ABI2: variants seen among roughly 807,000 people sequenced by gnomAD.
ABI2 encodes the protein abl interactor 2, also known as abelson interactor 2.
Under a neutral mutation model 59.2 loss-of-function variants are expected in ABI2, and 25 were observed. That is an observed-to-expected ratio of 0.42 (90% CI 0.31 to 0.59). The LOEUF (loss-of-function observed/expected upper bound fraction) is 0.59, where lower values mean the gene tolerates loss of function less well. Ranked by LOEUF, ABI2 falls within the 20% of genes least tolerant of loss-of-function variation. The probability of loss-of-function intolerance (pLI) is 0.14; values close to 1 mark genes in which losing one functional copy is unlikely to be tolerated. For missense variants in ABI2, 545 were observed against 681.8 expected, an observed-to-expected ratio of 0.80 and a Z score of 2.23; for synonymous variants, 213 against 235.5, an observed-to-expected ratio of 0.90 and a Z score of 0.87.
intron 1 of ABI2, among the ~76,000 whole-genome samples, chr2:203,336,397 C>T (rs1402325283): frequency 2.0e-5 from 3 of 152,220 alleles, no homozygotes; most frequent in African/African-American, 7.2e-5. Flanking sequence ...TGCATCTGAT[C>T]TGAATCTTGG....
At chr2:203,382,947 G>T (rs964646098) in intron 4 of ABI2, among the ~76,000 whole-genome samples, 1 of 152,136 alleles carries the variant, frequency 6.6e-6, no homozygotes, top group South Asian at 2.1e-4. Context: ...GTTAGAATTC[G>T]TTTCAATAAT....
chr2:203,422,150 T>TA (rs2098245262), intron 11 of ABI2, among the ~76,000 whole-genome samples: 1 of 151,712 alleles, frequency 6.6e-6, no homozygotes, highest in Admixed American at 6.6e-5. Context: ...TTAGAAAACT[T>TA]AGCCAGACAT....
At chr2:203,394,611 C>T in intron 5 of ABI2, 89 bp from the exon 6 acceptor site, 1 of 1,323,534 alleles carries the variant, frequency 7.6e-7, no homozygotes, top group African/African-American at 1.5e-5. Flanking sequence ...TCTCTGATTA[C>T]AAATTGTATC....
intron 1 of ABI2, chr2:203,351,635 A>C (rs760136728): frequency 2.4e-6 from 1 of 424,094 alleles, no homozygotes; most frequent in Non-Finnish European, 4.6e-6. Context: ...TCCTGTGCTC[A>C]AGTGATCATC....
chr2:203,334,026 C>T (rs2075289573), intron 1 of ABI2, among the ~76,000 whole-genome samples: 1 of 151,608 alleles, frequency 6.6e-6, no homozygotes, highest in Non-Finnish European at 1.5e-5. Context: ...CTACAACCTC[C>T]GGCTCCTGGG....
intron 1 of ABI2, among the ~76,000 whole-genome samples, chr2:203,341,661 G>C (rs961930873): frequency 3.3e-5 from 5 of 152,052 alleles, no homozygotes; most frequent in Non-Finnish European, 5.9e-5. Context: ...AGTGAGCCTA[G>C]ATTGCACCAC....
chr2:203,388,407 G>T (rs910575063), intron 4 of ABI2, among the ~76,000 whole-genome samples: 1 of 152,162 alleles, frequency 6.6e-6, no homozygotes, highest in Non-Finnish European at 1.5e-5. Flanking sequence ...TGTTGGCCAG[G>T]CATGGTGGCT....
At chr2:203,418,001 A>G (rs1020802975) in intron 11 of ABI2, among the ~76,000 whole-genome samples, 3 of 152,238 alleles carry the variant, frequency 2.0e-5, no homozygotes, top group African/African-American at 7.2e-5. Flanking sequence ...ATATTTCTGG[A>G]GACGAAAAAC....
intron 1 of ABI2, among the ~76,000 whole-genome samples, chr2:203,362,740 C>T (rs1473088017): frequency 1.3e-5 from 2 of 151,736 alleles, no homozygotes; most frequent in East Asian, 1.9e-4. Flanking sequence ...TCGGGCAGGC[C>T]GGTCTTGAAC....
intron 4 of ABI2, among the ~76,000 whole-genome samples, chr2:203,387,848 C>G (rs1238759880): frequency 1.3e-5 from 2 of 152,188 alleles, no homozygotes; most frequent in Non-Finnish European, 1.5e-5. Context: ...TTCTGTCTCT[C>G]TCTCTGTCGC....
chr2:203,377,619 A>C (rs561313073), intron 2 of ABI2, among the ~76,000 whole-genome samples: 20 of 152,206 alleles, frequency 1.3e-4, no homozygotes, highest in Non-Finnish European at 2.6e-4. Context: ...ACTAAACTTT[A>C]TTCAAGGCCA....
chr2:203,396,814 C>T lies in ABI2; in HGVS notation c.880C>T (p.Leu294Phe). Residue 294 changes from leucine to phenylalanine, a missense_variant, in exon 8 of 12, where the codon CTT (leucine) becomes TTT (phenylalanine). Leu to Phe is a conservative substitution (Grantham distance 22). This residue lies in a region of ABI2 where 410 missense variants were observed against 435.6 expected (regional missense o/e 0.94). Transcript: ENST00000261018. The stretch of plus-strand genomic sequence containing the variant: ...TGCTGGCTCTGCTGGCACTCCTCCC[C>T]TTCCTGCTACTTCTGCATCTGCCCC... ...APAGSAGTPP[L>F]PATSASAPAP... The T allele has an allele frequency of 6.5e-7, 1 of 1,533,758 alleles. No homozygotes were observed. Among genetic ancestry groups the T allele is most frequent in the South Asian group, 1.2e-5 (1 of 83,554 alleles).
At chr2:203,344,584 C>T (rs1358513881) in intron 1 of ABI2, among the ~76,000 whole-genome samples, 13 of 147,854 alleles carry the variant, frequency 8.8e-5, no homozygotes, top group African/African-American at 2.8e-4. Flanking sequence ...TTTTTTGAGT[C>T]GGAGGTTTGC....
intron 1 of ABI2, among the ~76,000 whole-genome samples, chr2:203,354,290 C>T (rs779675422): frequency 1.3e-5 from 2 of 152,110 alleles, no homozygotes; most frequent in Non-Finnish European, 1.5e-5. Context: ...GTGATCTTCT[C>T]GCCTCAGCCT....
intron 1 of ABI2, among the ~76,000 whole-genome samples, chr2:203,337,009 A>G (rs1426986690): frequency 3.7e-4 from 56 of 152,182 alleles, no homozygotes; most frequent in Admixed American, 6.5e-5. Flanking sequence ...CAAAGGCCAT[A>G]TATGACAAGC....
chr2:203,355,745 C>T (rs888989366), intron 1 of ABI2, among the ~76,000 whole-genome samples: 3 of 148,178 alleles, frequency 2.0e-5, no homozygotes, highest in African/African-American at 5.0e-5. Flanking sequence ...GCAGGAGAAT[C>T]GCTTGAATCT....
intron 2 of ABI2, among the ~76,000 whole-genome samples, chr2:203,371,824 T>G (rs73060623): frequency 3.3e-5 from 5 of 152,276 alleles, no homozygotes; most frequent in African/African-American, 1.2e-4. Flanking sequence ...TGTGTCCTTT[T>G]CTGGTAAGTT....
chr2:203,400,589 C>T (rs1272895835), intron 8 of ABI2, among the ~76,000 whole-genome samples: 2 of 152,120 alleles, frequency 1.3e-5, no homozygotes, highest in South Asian at 2.1e-4. Flanking sequence ...GTTACAGAGG[C>T]TTCTCAGTTG....
At chr2:203,361,507 C>T (rs1158383610) in intron 1 of ABI2, among the ~76,000 whole-genome samples, 1 of 151,966 alleles carries the variant, frequency 6.6e-6, no homozygotes, top group Non-Finnish European at 1.5e-5. Context: ...GTTTGCTGCA[C>T]TGAATTTTTT....
Sources: gnomAD v4.1 joint callset for allele counts (sites outside exome capture counted in the v4.1 genomes callset) on GRCh38, gnomAD v4.1.1 for gene constraint, gnomAD v4.1.1 regional missense constraint, MANE v1.5 for transcripts, NCBI Gene and HGNC (gene_info 2026-07-23, HGNC 2026-07-21) for gene names.